The following BTBD3 variants were observed in gnomAD, a reference collection of about 807,000 sequenced individuals.
BTBD3 encodes the protein BTB domain containing 3.
BTBD3 carries 14 observed loss-of-function variants against 41.6 expected under a neutral mutation model. That is an observed-to-expected ratio of 0.34 (90% CI 0.22 to 0.53). The LOEUF is 0.53. BTBD3 is among the 20% of genes least tolerant of loss of function. BTBD3 has a pLI of 0.95. For missense variants in BTBD3, 426 were observed against 654.7 expected, an observed-to-expected ratio of 0.65 and a Z score of 3.81; for synonymous variants, 249 against 233.7, an observed-to-expected ratio of 1.07 and a Z score of -0.60.
At chr20:11,910,308 T>C (rs1568612044) in intron 1 of BTBD3, 1 of 152,114 alleles carries the variant, frequency 6.6e-6, no homozygotes, top group Non-Finnish European at 1.5e-5. Flanking sequence ...CCGAAACATA[T>C]TATTTTCTTC....
chr20:11,890,871 A>G, exon 1 of BTBD3: 1 of 984,946 alleles, frequency 1.0e-6, no homozygotes, highest in Non-Finnish European at 1.2e-6. Context: ...TGGATCTCCG[A>G]GTGCCCCGGC....
chr20:11,904,553 T>A (rs2056842372), intron 1 of BTBD3, among the ~76,000 whole-genome samples: 1 of 152,200 alleles, frequency 6.6e-6, no homozygotes, highest in Non-Finnish European at 1.5e-5. Context: ...TCAGCTTTTC[T>A]CATACGTTTT....
intron 1 of BTBD3, among the ~76,000 whole-genome samples, chr20:11,900,946 C>T (rs1461482138): frequency 2.0e-5 from 3 of 152,016 alleles, no homozygotes; most frequent in African/African-American, 7.2e-5. Context: ...ATCCTGACCT[C>T]GTGATCTGCC....
chr20:11,909,745 G>C (rs2056878189), intron 1 of BTBD3: 1 of 152,032 alleles, frequency 6.6e-6, no homozygotes, highest in South Asian at 2.1e-4. Flanking sequence ...AATTGTAACT[G>C]GTCTTTTCTA....
At chr20:11,897,777 A>C (rs2056796802) in intron 1 of BTBD3, among the ~76,000 whole-genome samples, 1 of 152,184 alleles carries the variant, frequency 6.6e-6, no homozygotes, top group African/African-American at 2.4e-5. Context: ...TGATCTTTTA[A>C]AAACATAAGT....
intron 1 of BTBD3, among the ~76,000 whole-genome samples, chr20:11,891,950 C>G (rs2056757175): frequency 6.6e-6 from 1 of 152,238 alleles, no homozygotes; most frequent in African/African-American, 2.4e-5. Context: ...CCCAATCGCA[C>G]ACCAGACCAA....
At chr20:11,894,135 C>T (rs2056772416) in intron 1 of BTBD3, among the ~76,000 whole-genome samples, 1 of 152,180 alleles carries the variant, frequency 6.6e-6, no homozygotes, top group Non-Finnish European at 1.5e-5. Context: ...GGTCATGGTG[C>T]CTGCACCATA....
intron 2 of BTBD3, 147 bp from the exon 3 acceptor site, chr20:11,919,571 A>G (rs781441715): frequency 1.1e-5 from 12 of 1,119,648 alleles, no homozygotes; most frequent in Non-Finnish European, 1.3e-5. Flanking sequence ...ATGGCAAGCT[A>G]CCCTGTGTAC....
At chr20:11,916,112 C>T (rs375242530), upstream of BTBD3, among the ~76,000 whole-genome samples, 5 of 152,138 alleles carry the variant, frequency 3.3e-5, no homozygotes, top group Non-Finnish European at 1.5e-5. Flanking sequence ...CCTTTCCATT[C>T]TAATTGATTA....
At chr20:11,901,826 A>G in intron 1 of BTBD3, among the ~76,000 whole-genome samples, 1 of 152,318 alleles carries the variant, frequency 6.6e-6, no homozygotes, top group Middle Eastern at 3.4e-3. Context: ...TGAGATGCTC[A>G]AGATAAGGAC....
intron 1 of BTBD3, chr20:11,909,532 T>C (rs943037047): frequency 1.1e-4 from 16 of 152,172 alleles, no homozygotes; most frequent in African/African-American, 3.1e-4. Flanking sequence ...TGTAACTTCA[T>C]GTATGTTTAA....
chr20:11,917,114 C>T (rs576883714), upstream of BTBD3, among the ~76,000 whole-genome samples: 104 of 152,214 alleles, frequency 6.8e-4, 2 homozygotes, highest in South Asian at 0.012. Flanking sequence ...CTAAATGTAG[C>T]CTTAACAGTT....
intron 3 of BTBD3, chr20:11,921,498 T>A (rs919451482): frequency 6.6e-6 from 1 of 152,134 alleles, no homozygotes; most frequent in Non-Finnish European, 1.5e-5. Flanking sequence ...CCCTTGACAG[T>A]TCCAGGGTAA....
At chr20:11,919,431 A>T (rs1274577944) in intron 2 of BTBD3, 1 of 1,409,164 alleles carries the variant, frequency 7.1e-7, no homozygotes, top group Non-Finnish European at 9.2e-7. Flanking sequence ...CAGGTCAGGA[A>T]AGTCGTATGT....
chr20:11,918,444 A>AAG lies in BTBD3; in HGVS notation c.169_170insAG (p.Thr57LysfsTer57). ...TTGTTATGAAATAATTACCTTGAAG[A>AAG]CTAAAAAGAAGAAGATGGCTGCTGA... On this transcript the variant is annotated frameshift_variant, in exon 1 of 4. Coordinates refer to ENST00000378226, the MANE Select transcript of BTBD3 (RefSeq NM_014962.4). LOFTEE classifies it high-confidence loss of function. The AAG allele has an allele frequency of 6.2e-7, 1 of 1,614,158 alleles. No individual in the cohort carries two copies. The highest frequency in any genetic ancestry group is 8.5e-7 in the Non-Finnish European group (1 of 1,180,020).
chr20:11,896,466 C>T (rs900786678), intron 1 of BTBD3, among the ~76,000 whole-genome samples: 46 of 152,116 alleles, frequency 3.0e-4, no homozygotes, highest in Non-Finnish European at 1.0e-4. Context: ...GGTTCTGTGG[C>T]GGTTTGCACT....
rs1304787956 is a variant in BTBD3, at chr20:11,922,829, C to T, written c.732C>T (p.Cys244=). 5.6e-6 allele frequency: 9 copies of T among 1,614,214 alleles called. No homozygotes were observed. In the South Asian group the frequency reaches 9.9e-5, roughly 18 times the overall value. ...LFEEPDLTQR[C]WEVIDAQAEL... is the part of the protein sequence containing the mutation. ...AGGAGCCAGACCTGACCCAGCGTTGCTGGGAGGTGATTGATGCCCAGGCTG... is the reference window on the plus strand; with the variant it reads ...AGGAGCCAGACCTGACCCAGCGTTGTTGGGAGGTGATTGATGCCCAGGCTG... The change falls in exon 4 of 4, where the codon TGC becomes TGT. Residue 244 remains cysteine (C), a synonymous_variant. Coordinates refer to ENST00000378226, the MANE Select transcript of BTBD3 (RefSeq NM_014962.4).
chr20:11,920,115 C>T (rs960933385), intron 3 of BTBD3, among the ~76,000 whole-genome samples: 1 of 152,154 alleles, frequency 6.6e-6, no homozygotes, highest in Non-Finnish European at 1.5e-5. Context: ...AGACAAATAA[C>T]TTTCTGGTAT....
At chr20:11,904,779 A>C (rs959442167) in intron 1 of BTBD3, among the ~76,000 whole-genome samples, 1 of 152,214 alleles carries the variant, frequency 6.6e-6, no homozygotes, top group Non-Finnish European at 1.5e-5. Flanking sequence ...ATGATTGTGG[A>C]TATTTGATAC....
Sources: allele counts gnomAD v4.1 joint callset (sites outside exome capture counted in the v4.1 genomes callset), GRCh38; gene constraint gnomAD v4.1.1; transcripts MANE v1.5; gene names NCBI Gene and HGNC (gene_info 2026-07-23, HGNC 2026-07-21).